RARA: variants seen among roughly 807,000 people sequenced by gnomAD.
RARA encodes PML-DDX5-RARA fusion.
Under a neutral mutation model 42.8 loss-of-function variants are expected in RARA, and 5 were observed. The observed-to-expected ratio is 0.12, with a 90% confidence interval of 0.06 to 0.25. The LOEUF is 0.25. Among genes scored for constraint, RARA ranks in the 10% least tolerant of loss-of-function variants. The probability of loss-of-function intolerance (pLI) is 1.00; values close to 1 mark genes in which losing one functional copy is unlikely to be tolerated. For synonymous variants in RARA, 256 were observed against 259.5 expected (o/e 0.99, Z 0.13); for missense variants, 402 against 628.7 (o/e 0.64, Z 3.86).
chr17:40,315,128 A>ATGTG (rs57811941), intron 1 of RARA, among the ~76,000 whole-genome samples: 5 of 78,198 alleles, frequency 6.4e-5, no homozygotes, highest in Admixed American at 1.4e-4. Context: ...ATATGCTTAT[A>ATGTG]TGTGTATATA....
intron 2 of RARA, chr17:40,341,265 G>C: frequency 7.7e-7 from 1 of 1,307,078 alleles, no homozygotes; most frequent in Non-Finnish European, 1.0e-6. Flanking sequence ...CCAGCTAGGA[G>C]ACACCTTGGG....
intron 2 of RARA, chr17:40,342,684 C>CTCTGGG: frequency 6.2e-7 from 1 of 1,604,776 alleles, no homozygotes; most frequent in Non-Finnish European, 8.5e-7. Flanking sequence ...CAGCTCGGAC[C>CTCTGGG]TCTTGCCTTC....
At chr17:40,315,864 C>T (rs1342535900) in intron 1 of RARA, among the ~76,000 whole-genome samples, 1 of 152,186 alleles carries the variant, frequency 6.6e-6, no homozygotes, top group Non-Finnish European at 1.5e-5. Flanking sequence ...TGCAGGGAAA[C>T]AGTAGGCCCC....
At position 40,326,981 on chromosome 17, in the gene RARA, C is replaced by T. The variant is rs1279459072; in HGVS notation, c.-362-3876C>T. ...TGTGACCTTTAGCCCTCCTGCGGCT[C>T]AAGGCCCTCCCCAGGGAGCTGAGTA... On this transcript the variant is annotated intron_variant, in intron 1 of 8. Transcript: ENST00000254066. This position sits in a 1 kb window ranked among gnomAD's most constrained non-coding sequence, Gnocchi z 5.2. Among the ~76,000 whole-genome samples, 1 of 152,208 alleles carries T rather than the reference C, an allele frequency of 6.6e-6. No homozygotes were observed. The highest frequency in any genetic ancestry group is 1.5e-5 in the Non-Finnish European group (1 of 68,044).
Position 40,355,114 on chromosome 17 carries a change from C to G in RARA, c.1013-149C>G. 9.9e-7 allele frequency: 1 copy of G among 1,008,542 alleles called. No individual in the cohort carries two copies. Among genetic ancestry groups the G allele is most frequent in the Admixed American group, 2.9e-5 (1 of 34,286 alleles). 62.5% of individuals were successfully genotyped at this position (1,008,542 alleles called of 1,614,324 possible). ...CCCTTTTAAGGGCCTCTGTACCCTG[C>G]GGCAGCAGAGACCCCATGCCCTGCC... On this transcript the variant is annotated intron_variant, in intron 7 of 8. Coordinates refer to ENST00000254066, the MANE Select transcript of RARA (RefSeq NM_000964.4). The surrounding 1 kb of genome is among the most constrained non-coding windows in gnomAD (Gnocchi z 4.1).
At chr17:40,314,985 G>C (rs2033164489) in intron 1 of RARA, among the ~76,000 whole-genome samples, 2 of 151,652 alleles carry the variant, frequency 1.3e-5, no homozygotes, top group Non-Finnish European at 1.5e-5. Context: ...TCTCCCTTGT[G>C]ATCCACTAAG....
At position 40,352,258 on chromosome 17, in the gene RARA, C is replaced by G; in HGVS notation, c.631-73C>G. 1 of 1,536,098 alleles carries G rather than the reference C, an allele frequency of 6.5e-7. No individual in the cohort carries two copies. The highest frequency in any genetic ancestry group is 8.8e-7 in the Non-Finnish European group (1 of 1,141,614). Reference sequence around the variant, plus strand: ...AAGTGAAGGCTGGGTAGAGGGCAGGCCTGTGGGGGCTGGAGCCAGGCTGAG... The same window carrying G: ...AAGTGAAGGCTGGGTAGAGGGCAGGGCTGTGGGGGCTGGAGCCAGGCTGAG... On this transcript the variant is annotated intron_variant, in intron 5 of 8. Transcript: ENST00000254066. The surrounding 1 kb of genome is among the most constrained non-coding windows in gnomAD (Gnocchi z 4.9).
At chr17:40,346,736 T>C (rs932839589) in intron 2 of RARA, among the ~76,000 whole-genome samples, 3 of 147,360 alleles carry the variant, frequency 2.0e-5, no homozygotes, top group Non-Finnish European at 4.5e-5. Context: ...GCCAGGGCAG[T>C]TGGTGTTGGA....
At chr17:40,309,421 G>C (rs1184164521) in intron 1 of RARA, 135 bp downstream of exon 1, 1 of 152,472 alleles carries the variant, frequency 6.6e-6, no homozygotes, top group African/African-American at 2.4e-5. Context: ...GTAGTCCTGG[G>C]AGGTGGGAGC....
At position 40,355,474 on chromosome 17, in the gene RARA, C is replaced by A; in HGVS notation, c.1171+53C>A. 3 of 1,558,310 alleles carry A rather than the reference C, an allele frequency of 1.9e-6. No homozygotes were observed. In the Admixed American group the frequency reaches 5.5e-5, roughly 29 times the overall value. Reference sequence around the variant, plus strand: ...CGGCCCCCGACACCTGGCCCAGGCCCCCACATCCAAGCCAGCACCCCATGT... The same window carrying A: ...CGGCCCCCGACACCTGGCCCAGGCCACCACATCCAAGCCAGCACCCCATGT... On this transcript the variant is annotated intron_variant, in intron 8 of 8. Transcript: ENST00000254066. This position sits in a 1 kb window ranked among gnomAD's most constrained non-coding sequence, Gnocchi z 4.1.
chr17:40,342,777 C>G (rs748984306), intron 2 of RARA: 10 of 1,612,776 alleles, frequency 6.2e-6, no homozygotes, highest in Non-Finnish European at 8.5e-6. Context: ...TAACCAGAAC[C>G]GGGCCTGTTT....
rs1434003217 is a variant in RARA, at chr17:40,352,207, C to G, written c.631-124C>G. ...TTCCCCTCTCTTCTCCCTCCTCCTG[C>G]TGCCTCTTCCCAAGGAGCTCCCAGG... On this transcript the variant is annotated intron_variant, in intron 5 of 8. Coordinates refer to ENST00000254066, the MANE Select transcript of RARA (RefSeq NM_000964.4). This position sits in a 1 kb window ranked among gnomAD's most constrained non-coding sequence, Gnocchi z 4.9. The G allele has an allele frequency of 1.3e-6, 2 of 1,498,100 alleles. No homozygotes were observed. The highest frequency in any genetic ancestry group is 1.8e-6 in the Non-Finnish European group (2 of 1,130,332). The allele number at this position is 1,498,100 out of a possible 1,614,324, so 92.8% of individuals were successfully genotyped here. A position where few individuals can be genotyped will look rare whatever the true frequency, so the allele number is the denominator to read the frequency against.
chr17:40,331,519 T>C (rs954190939), intron 2 of RARA, 123 bp downstream of exon 2: 69 of 1,196,028 alleles, frequency 5.8e-5, no homozygotes, highest in Middle Eastern at 2.2e-4. Flanking sequence ...CAAGGTCTTC[T>C]CCAGTTGGGG....
chr17:40,332,029 T>C (rs990195657), intron 2 of RARA, among the ~76,000 whole-genome samples: 1 of 152,174 alleles, frequency 6.6e-6, no homozygotes, highest in Non-Finnish European at 1.5e-5. Flanking sequence ...GACGCATGCA[T>C]GGTCTTGGCA....
chr17:40,336,759 G>T (rs935847811), intron 2 of RARA, among the ~76,000 whole-genome samples: 2 of 151,894 alleles, frequency 1.3e-5, no homozygotes, highest in African/African-American at 4.8e-5. Context: ...GCAGTGGCTC[G>T]ATCTCGGTTC....
At position 40,320,914 on chromosome 17, in the gene RARA, A is replaced by G. The variant is rs1414113738; in HGVS notation, c.-362-9943A>G. Among the ~76,000 whole-genome samples the G allele has an allele frequency of 2.0e-5, 3 of 152,156 alleles. No homozygotes were observed. On this transcript the variant is annotated intron_variant, in intron 1 of 8. Transcript: ENST00000254066. This position sits in a 1 kb window ranked among gnomAD's most constrained non-coding sequence, Gnocchi z 4.1. ...AGTTTTGGGAGTGTGGGAAGCTGGC[A>G]GGGCCCCTGGCAAGATGACCAGTGT...
At chr17:40,342,835 T>C in intron 2 of RARA, 1 of 1,613,006 alleles carries the variant, frequency 6.2e-7, no homozygotes, top group African/African-American at 1.3e-5. Context: ...TCCACCCCGC[T>C]CCGGACTCCG....
rs1356828964 is a variant in RARA at position 40,320,104 on chromosome 17, AG to A, written c.-362-10752del. Among the ~76,000 whole-genome samples, 4 of 151,818 alleles carry A rather than the reference AG, an allele frequency of 2.6e-5. No homozygotes were observed. The highest frequency in any genetic ancestry group is 5.9e-5 in the Non-Finnish European group (4 of 67,952). ...TGCAAGGATTTTGAGGGTGTGATTG[AG>A]TGTATATGAGGTGTCACTGCAGGGG... is the stretch of plus-strand genomic sequence containing the variant. On this transcript the variant is annotated intron_variant, in intron 1 of 8. Transcript: ENST00000254066. This position sits in a 1 kb window ranked among gnomAD's most constrained non-coding sequence, Gnocchi z 4.1.
rs1186674685 is a variant in RARA at position 40,320,873 on chromosome 17, C to G, written c.-362-9984C>G. The stretch of plus-strand genomic sequence containing the variant: ...AATCTCCGCTTGCTCAGTACCCACA[C>G]CCATCTTGTGTCGGTAGTTTTGGGA... On this transcript the variant is annotated intron_variant, in intron 1 of 8. Transcript: ENST00000254066. The surrounding 1 kb of genome is among the most constrained non-coding windows in gnomAD (Gnocchi z 4.1). Among the ~76,000 whole-genome samples, 3 of 152,186 alleles carry G rather than the reference C, an allele frequency of 2.0e-5. No homozygotes were observed. Among genetic ancestry groups the G allele is most frequent in the Non-Finnish European group, 2.9e-5 (2 of 68,028 alleles).
Sources: allele counts gnomAD v4.1 joint callset (sites outside exome capture counted in the v4.1 genomes callset), GRCh38; gene constraint gnomAD v4.1.1; non-coding constraint Gnocchi (gnomAD v3.1); transcripts MANE v1.5; gene names NCBI Gene and HGNC (gene_info 2026-07-23, HGNC 2026-07-21).